The following KSR1 variants were observed in gnomAD, a reference collection of about 807,000 sequenced individuals.
The protein encoded by KSR1 is kinase suppressor of ras.
In KSR1, 35 loss-of-function variants were observed where a neutral mutation model predicts 92.9. The ratio of observed to expected loss-of-function variants is 0.38; its 90% CI spans 0.29 to 0.50. The LOEUF is 0.50. Among genes scored for constraint, KSR1 ranks in the 20% least tolerant of loss-of-function variants. The pLI is 0.94. For missense variants in KSR1, 972 were observed against 1,158.5 expected (o/e 0.84, Z 2.34); for synonymous variants, 467 against 472.6 (o/e 0.99, Z 0.15).
rs368821874 is a variant in KSR1 at position 27,623,710 on chromosome 17, G to A, written c.*318G>A. The stretch of plus-strand genomic sequence containing the variant: ...TCTGTGCAGATGCACTGGCACTGAC[G>A]GCCAGGATGGCGGAAATGGCCATCC... On this transcript the variant is annotated 3_prime_UTR_variant, in exon 21 of 21. Transcript: ENST00000644974. 3.7e-5 allele frequency: 21 copies of A among 567,670 alleles called. No individual in the cohort carries two copies. The highest frequency in any genetic ancestry group is 1.4e-4 in the African/African-American group (7 of 51,566). The allele number at this position is 567,670 out of a possible 1,614,324, so 35.2% of individuals were successfully genotyped here.
intron 2 of KSR1, among the ~76,000 whole-genome samples, chr17:27,555,367 G>A (rs561659260): frequency 1.3e-5 from 2 of 152,314 alleles, no homozygotes; most frequent in African/African-American, 4.8e-5. Context: ...ATAGGCTCAT[G>A]TCTTTTTCTT....
intron 2 of KSR1, among the ~76,000 whole-genome samples, chr17:27,563,148 C>T (rs1598033914): frequency 1.3e-5 from 2 of 152,182 alleles, no homozygotes; most frequent in African/African-American, 2.4e-5. Context: ...TTTCCCCATT[C>T]GCTCCCTATA....
chr17:27,516,426 TGA>T (rs754929074), intron 1 of KSR1, among the ~76,000 whole-genome samples: 101 of 152,192 alleles, frequency 6.6e-4, no homozygotes, highest in Non-Finnish European at 1.1e-3. Context: ...ATTTACCTGA[TGA>T]GAGAGATCAA....
chr17:27,602,428 G>A (rs1292935622), intron 11 of KSR1, among the ~76,000 whole-genome samples: 1 of 152,212 alleles, frequency 6.6e-6, no homozygotes, highest in Non-Finnish European at 1.5e-5. Context: ...GGAAGATATG[G>A]CTCTTCTCCC....
rs2019173695 is a variant in KSR1, at chr17:27,456,633, G to C, written c.-11G>C. 3.9e-6 allele frequency: 2 copies of C among 509,634 alleles called. No individual in the cohort carries two copies. The highest frequency in any genetic ancestry group is 4.1e-5 in the African/African-American group (2 of 48,866). The allele number at this position is 509,634 out of a possible 1,614,324, so 31.6% of individuals were successfully genotyped here. A position where few individuals can be genotyped will look rare whatever the true frequency, so the allele number is the denominator to read the frequency against. ...TCCCAGCCTCGGCCGCCGCGGCCCC[G>C]ATGCCGAGGCATGGATAGAGCAGCG... On this transcript the variant is annotated 5_prime_UTR_variant, in exon 1 of 21. Coordinates refer to ENST00000644974, the MANE Select transcript of KSR1 (RefSeq NM_001394583.1).
intron 1 of KSR1, among the ~76,000 whole-genome samples, chr17:27,488,221 A>G (rs1420173741): frequency 5.3e-5 from 8 of 152,250 alleles, no homozygotes; most frequent in Non-Finnish European, 4.4e-5. Context: ...CTGAACACCC[A>G]TGTACCCACA....
At chr17:27,589,501 A>G (rs1212879903) in intron 6 of KSR1, among the ~76,000 whole-genome samples, 2 of 152,228 alleles carry the variant, frequency 1.3e-5, no homozygotes, top group African/African-American at 4.8e-5. Context: ...CCTTGGCTGC[A>G]CACTAAGAAT....
At position 27,551,515 on chromosome 17, in the gene KSR1, C is replaced by T. The variant is rs902706653; in HGVS notation, c.372+807C>T. Reference sequence around the variant, plus strand: ...TGGAAACAGAGAAGGAAAGAAATCACATACATACTCCTAACACTCAGAAAA... The same window carrying T: ...TGGAAACAGAGAAGGAAAGAAATCATATACATACTCCTAACACTCAGAAAA... On this transcript the variant is annotated intron_variant, in intron 2 of 20. Coordinates refer to ENST00000644974, the MANE Select transcript of KSR1 (RefSeq NM_001394583.1). Among the ~76,000 whole-genome samples, 5 of 152,012 alleles carry T rather than the reference C, an allele frequency of 3.3e-5. No homozygotes were observed. The South Asian group carries it at 6.2e-4, about 19-fold the overall frequency.
rs1218113098 is a variant in KSR1 at position 27,592,619 on chromosome 17, C to A, written c.1292C>A (p.Thr431Lys). ...TTTGGAACCCTCCCCAAAGCACTGA[C>A]AAAGAAGGTACGCTGGGTAATGCTG... The part of the protein sequence containing the change: ...PHFGTLPKAL[T>K]KKEHPPAMNH... The change falls in exon 9 of 21, where the codon ACA becomes AAA. Residue 431 changes from threonine (T) to lysine (K), a missense_variant. Thr to Lys is a moderately conservative substitution (Grantham distance 78). Coordinates refer to ENST00000644974, the MANE Select transcript of KSR1 (RefSeq NM_001394583.1). 1 of 1,613,528 alleles carries A rather than the reference C, an allele frequency of 6.2e-7. No individual in the cohort carries two copies. The highest frequency in any genetic ancestry group is 8.5e-7 in the Non-Finnish European group (1 of 1,179,760).
intron 9 of KSR1, among the ~76,000 whole-genome samples, chr17:27,593,722 G>A (rs1445984120): frequency 6.6e-6 from 1 of 152,254 alleles, no homozygotes; most frequent in Non-Finnish European, 1.5e-5. Flanking sequence ...CAGCGGGAAA[G>A]ATGATAGGGT....
intron 1 of KSR1, among the ~76,000 whole-genome samples, chr17:27,535,183 G>A (rs913793106): frequency 3.3e-5 from 5 of 152,256 alleles, no homozygotes; most frequent in African/African-American, 7.2e-5. Flanking sequence ...TGAAGCTGGC[G>A]CCACAACATA....
At chr17:27,605,174 C>T (rs2151229996) in intron 13 of KSR1, among the ~76,000 whole-genome samples, 1 of 152,368 alleles carries the variant, frequency 6.6e-6, no homozygotes, top group African/African-American at 2.4e-5. Flanking sequence ...ATGTTGCTCA[C>T]AGGTAGGTAT....
At chr17:27,620,459 G>T (rs1480636993) in intron 19 of KSR1, among the ~76,000 whole-genome samples, 1 of 152,196 alleles carries the variant, frequency 6.6e-6, no homozygotes, top group African/African-American at 2.4e-5. Flanking sequence ...TCCTAGTACA[G>T]TCCCAGGAAC....
chr17:27,564,331 A>G (rs2071970454), intron 2 of KSR1, among the ~76,000 whole-genome samples: 2 of 152,226 alleles, frequency 1.3e-5, no homozygotes, highest in African/African-American at 4.8e-5. Flanking sequence ...GGATAGATGG[A>G]CAAATGGAAG....
chr17:27,539,661 A>G (rs1053304403), intron 1 of KSR1, among the ~76,000 whole-genome samples: 1 of 152,184 alleles, frequency 6.6e-6, no homozygotes, highest in Admixed American at 6.5e-5. Flanking sequence ...CTTCAGGCAC[A>G]GGGGAGTTAG....
chr17:27,520,755 C>G (rs1483561757), intron 1 of KSR1, among the ~76,000 whole-genome samples: 2 of 152,224 alleles, frequency 1.3e-5, no homozygotes, highest in Non-Finnish European at 2.9e-5. Flanking sequence ...CACTGGCCTC[C>G]TTTTCCCGAG....
At chr17:27,570,872 G>C (rs532260853) in intron 2 of KSR1, among the ~76,000 whole-genome samples, 1 of 152,214 alleles carries the variant, frequency 6.6e-6, no homozygotes, top group African/African-American at 2.4e-5. Context: ...TGATTTGGCC[G>C]GTCTGAAGTG....
At chr17:27,482,965 T>G (rs2068553541) in intron 1 of KSR1, among the ~76,000 whole-genome samples, 1 of 152,264 alleles carries the variant, frequency 6.6e-6, no homozygotes, top group Admixed American at 6.5e-5. Flanking sequence ...ATATTTTGGC[T>G]GGATTTTCAG....
chr17:27,602,134 C>T (rs775094760), intron 11 of KSR1, among the ~76,000 whole-genome samples: 1 of 151,700 alleles, frequency 6.6e-6, no homozygotes, highest in Admixed American at 6.6e-5. Flanking sequence ...TTGGATTGAA[C>T]AGGACTGTCT....
Sources: gnomAD v4.1 joint callset for allele counts (sites outside exome capture counted in the v4.1 genomes callset) on GRCh38, gnomAD v4.1.1 for gene constraint, MANE v1.5 for transcripts, NCBI Gene and HGNC (gene_info 2026-07-23, HGNC 2026-07-21) for gene names.